The following ANTXR2 variants were observed in gnomAD, a reference collection of about 807,000 sequenced individuals.
The protein encoded by ANTXR2 is ANTXR cell adhesion molecule 2, also known as anthrax toxin receptor 2.
A neutral mutation model predicts 73.7 loss-of-function variants in ANTXR2; 44 were observed. The ratio of observed to expected loss-of-function variants is 0.60; its 90% CI spans 0.47 to 0.77. The LOEUF (loss-of-function observed/expected upper bound fraction) is 0.77, where lower values mean the gene tolerates loss of function less well. Ranked by LOEUF, ANTXR2 falls within the 30% of genes least tolerant of loss-of-function variation. The pLI, the probability that ANTXR2 is intolerant of heterozygous loss-of-function variation, is 0.00. For synonymous variants in ANTXR2, 217 were observed against 205.9 expected (o/e 1.05, Z -0.46); for missense variants, 604 against 592.5 (o/e 1.02, Z -0.20).
At chr4:79,957,047 A>G (rs1433984435) in intron 16 of ANTXR2, among the ~76,000 whole-genome samples, 1 of 152,130 alleles carries the variant, frequency 6.6e-6, no homozygotes, top group African/African-American at 2.4e-5. Context: ...ATATAATATG[A>G]CCTGCTATAT....
At chr4:79,977,813 T>C in intron 15 of ANTXR2, 112 bp from the exon 16 acceptor site, 3 of 1,278,336 alleles carry the variant, frequency 2.3e-6, no homozygotes, top group South Asian at 2.8e-5. Context: ...CTCATTTCTT[T>C]CATAAGGTAA....
At chr4:80,008,456 T>C (rs1731412049) in intron 12 of ANTXR2, 65 bp downstream of exon 12, 8 of 1,307,296 alleles carry the variant, frequency 6.1e-6, no homozygotes, top group Non-Finnish European at 8.6e-6. Flanking sequence ...TTTATTCATA[T>C]TTCAGACCTT....
rs547210588 is a variant in ANTXR2 at position 79,958,111 on chromosome 4, C to A, written c.1428+19510G>T. Among the ~76,000 whole-genome samples, 13 of 151,830 alleles carry A rather than the reference C, an allele frequency of 8.6e-5. No individual in the cohort carries two copies. In the South Asian group the frequency reaches 2.7e-3, roughly 32 times the overall value. ...ATTTTCTAGCTCTTGATTCTCTCTC[C>A]TTCTATATCACCTCATAATCTGATG... On this transcript the variant is annotated intron_variant, in intron 16 of 16. Coordinates refer to ENST00000403729, the MANE Select transcript of ANTXR2 (RefSeq NM_058172.6).
rs767809458 is a variant in ANTXR2 at position 80,072,730 on chromosome 4, G to A, written c.-170C>T. The stretch of plus-strand genomic sequence containing the variant: ...CCACCAGCTGACAGGGAGGGAGAGA[G>A]GGAGGTCCTGAGAGGACAAAGGGAG... On this transcript the variant is annotated 5_prime_UTR_variant, in exon 1 of 17. Transcript: ENST00000403729. 5.9e-6 allele frequency: 8 copies of A among 1,345,502 alleles called. No homozygotes were observed. The highest frequency in any genetic ancestry group is 3.8e-5 in the Admixed American group (1 of 26,308). 83.3% of individuals were successfully genotyped at this position (1,345,502 alleles called of 1,614,324 possible). A position where few individuals can be genotyped will look rare whatever the true frequency, so the allele number is the denominator to read the frequency against.
chr4:80,009,755 G>A (rs539600970), intron 11 of ANTXR2, among the ~76,000 whole-genome samples: 4 of 151,716 alleles, frequency 2.6e-5, no homozygotes, highest in Non-Finnish European at 5.9e-5. Flanking sequence ...GCTGAGGCAG[G>A]AGAATTGCTT....
In ANTXR2 at chr4:80,071,619, T is replaced by C. The variant is rs1260918649; in HGVS notation, c.188A>G (p.Tyr63Cys). 1 of 1,613,362 alleles carries C rather than the reference T, an allele frequency of 6.2e-7. No individual in the cohort carries two copies. Among genetic ancestry groups the C allele is most frequent in the Non-Finnish European group, 8.5e-7 (1 of 1,179,464 alleles). ...CTCCGCAAGTTGCTGTACGAAATTATAAATTTCAATCCAGTTATTTGCCAC... is the reference window on the plus strand; with the variant it reads ...CTCCGCAAGTTGCTGTACGAAATTACAAATTTCAATCCAGTTATTTGCCAC... ...GSVANNWIEI[Y>C]NFVQQLAERF... Residue 63 changes from tyrosine (Y) to cysteine (C), a missense_variant, in exon 2 of 17, where the codon TAT becomes TGT. Tyr to Cys is a radical substitution (Grantham distance 194). Coordinates refer to ENST00000403729, the MANE Select transcript of ANTXR2 (RefSeq NM_058172.6).
Position 80,018,938 on chromosome 4 carries a change from G to T in ANTXR2, c.905C>A (p.Ser302Tyr), listed in dbSNP as rs1732012359. The T allele has an allele frequency of 1.3e-6, 2 of 1,517,692 alleles. No homozygotes were observed. Among genetic ancestry groups the T allele is most frequent in the African/African-American group, 2.8e-5 (2 of 70,640 alleles). The allele number at this position is 1,517,692 out of a possible 1,614,324, so 94.0% of individuals were successfully genotyped here. The change falls in exon 11 of 17, where the codon TCT (serine) becomes TAT (tyrosine). Residue 302 changes from serine to tyrosine, a missense_variant. Ser to Tyr is a moderately radical substitution (Grantham distance 144). Coordinates refer to ENST00000403729, the MANE Select transcript of ANTXR2 (RefSeq NM_058172.6). ...GACAATTAATGATCCTGAAATGACA[G>T]ATTTTCCTCCATTAAAGCTCACTGA... The part of the protein sequence containing the change: ...DVSVSFNGGK[S>Y]VISGSLIVTA...
intron 8 of ANTXR2, among the ~76,000 whole-genome samples, chr4:80,035,594 T>C (rs1732915301): frequency 6.6e-6 from 1 of 152,156 alleles, no homozygotes; most frequent in African/African-American, 2.4e-5. Flanking sequence ...GCTGGCAGAT[T>C]CTGTACTTTG....
At chr4:80,004,499 T>A (rs1169827467) in intron 12 of ANTXR2, among the ~76,000 whole-genome samples, 1 of 151,668 alleles carries the variant, frequency 6.6e-6, no homozygotes, top group Non-Finnish European at 1.5e-5. Context: ...CTGTAGGCTC[T>A]AGGGATGGAT....
At chr4:80,021,358 TA>T (rs1236726118) in intron 10 of ANTXR2, among the ~76,000 whole-genome samples, 3 of 152,022 alleles carry the variant, frequency 2.0e-5, no homozygotes, top group Admixed American at 6.6e-5. Flanking sequence ...CATAATCAAA[TA>T]AAAAATTGTC....
rs1726872330 is a variant in ANTXR2, at chr4:79,905,635, A to T, written c.*1794T>A. 3 of 151,932 alleles carry T rather than the reference A, an allele frequency of 2.0e-5. No individual in the cohort carries two copies. In the South Asian group the frequency reaches 6.2e-4, roughly 31 times the overall value. 9.4% of individuals were successfully genotyped at this position (151,932 alleles called of 1,614,324 possible). On this transcript the variant is annotated 3_prime_UTR_variant, in exon 17 of 17. Transcript: ENST00000403729. ...ACTTTGGATCCAGCCAGCCAGTGACATAAATAAACTTGAGCAAAAGTTTCA... is the reference window on the plus strand; with the variant it reads ...ACTTTGGATCCAGCCAGCCAGTGACTTAAATAAACTTGAGCAAAAGTTTCA...
At chr4:79,922,141 C>A (rs1578084737) in intron 16 of ANTXR2, among the ~76,000 whole-genome samples, 1 of 151,994 alleles carries the variant, frequency 6.6e-6, no homozygotes, top group Admixed American at 6.6e-5. Context: ...AAACCTCTAG[C>A]AAACTTGAAA....
At chr4:80,058,860 C>T (rs1484063450) in intron 3 of ANTXR2, among the ~76,000 whole-genome samples, 2 of 152,102 alleles carry the variant, frequency 1.3e-5, no homozygotes, top group Non-Finnish European at 2.9e-5. Flanking sequence ...ATTGAAACTA[C>T]TTTGTATTTG....
At chr4:80,047,402 T>C (rs1388732132) in intron 7 of ANTXR2, among the ~76,000 whole-genome samples, 1 of 151,694 alleles carries the variant, frequency 6.6e-6, no homozygotes, top group East Asian at 1.9e-4. Context: ...TTTAAATGTA[T>C]TTGAATATAG....
At chr4:79,951,771 T>C (rs1355175779) in intron 16 of ANTXR2, among the ~76,000 whole-genome samples, 1 of 152,162 alleles carries the variant, frequency 6.6e-6, no homozygotes. Flanking sequence ...CAACTCTCTC[T>C]TCTATAAAAC....
intron 16 of ANTXR2, among the ~76,000 whole-genome samples, chr4:79,961,215 A>ATTTTAAAT (rs1222613145): frequency 1.3e-5 from 2 of 151,994 alleles, no homozygotes; most frequent in African/African-American, 2.4e-5. Context: ...ATAGTAATTT[A>ATTTTAAAT]TTTAAATATA....
intron 16 of ANTXR2, among the ~76,000 whole-genome samples, chr4:79,964,169 T>C (rs1003392467): frequency 1.3e-5 from 2 of 152,222 alleles, no homozygotes; most frequent in Non-Finnish European, 2.9e-5. Flanking sequence ...GAGGAGAGAC[T>C]GCCTTCTGAA....
Position 79,953,378 on chromosome 4 carries a change from G to A in ANTXR2, c.1428+24243C>T, listed in dbSNP as rs182135310. Among the ~76,000 whole-genome samples the A allele has an allele frequency of 3.1e-3, 467 of 152,114 alleles. 2 individuals carry two copies. Among genetic ancestry groups the A allele is most frequent in the Middle Eastern group, 6.8e-3 (2 of 294 alleles). ...GAGCTCAAGCTCTCAGAATGATCTG[G>A]GAAATAAACAGTAAATTCACAGTAA... On this transcript the variant is annotated intron_variant, in intron 16 of 16. Transcript: ENST00000403729.
chr4:79,947,295 C>T (rs1348110328), intron 16 of ANTXR2, among the ~76,000 whole-genome samples: 1 of 152,028 alleles, frequency 6.6e-6, no homozygotes, highest in African/African-American at 2.4e-5. Flanking sequence ...TGTATTGCTA[C>T]CCCCTCTTAT....
Sources: gnomAD v4.1 joint callset for allele counts (sites outside exome capture counted in the v4.1 genomes callset) on GRCh38, gnomAD v4.1.1 for gene constraint, MANE v1.5 for transcripts, NCBI Gene and HGNC (gene_info 2026-07-23, HGNC 2026-07-21) for gene names.